ALDH5A1: variants seen among roughly 807,000 people sequenced by gnomAD.
The protein encoded by ALDH5A1 is aldehyde dehydrogenase 5 family member A1, also known as succinate-semialdehyde dehydrogenase, mitochondrial.
A neutral mutation model predicts 54.7 loss-of-function variants in ALDH5A1; 33 were observed. That is an observed-to-expected ratio of 0.60 (90% confidence interval 0.46 to 0.81). ALDH5A1 has a LOEUF of 0.81. Among genes scored for constraint, ALDH5A1 ranks in the 30% least tolerant of loss-of-function variants. ALDH5A1 has a pLI of 0.00. For missense variants in ALDH5A1, 657 were observed against 711.0 expected, an observed-to-expected ratio of 0.92 and a Z score of 0.86; for synonymous variants, 294 against 292.7, an observed-to-expected ratio of 1.00 and a Z score of -0.05.
rs534321775 is a variant in ALDH5A1 at position 24,504,727 on chromosome 6, C to G, written c.610-142C>G. 27 of 821,228 alleles carry G rather than the reference C, an allele frequency of 3.3e-5. No individual in the cohort carries two copies. The African/African-American group carries it at 4.3e-4, about 13-fold the overall frequency. 50.9% of individuals were successfully genotyped at this position (821,228 alleles called of 1,614,324 possible). On this transcript the variant is annotated intron_variant, in intron 3 of 9. Coordinates refer to ENST00000357578, the MANE Select transcript of ALDH5A1 (RefSeq NM_001080.3). ...CAAGTTGGCGGGGGGGTCAGGTGTTCTGAGAGCTCACCTGTGCAGCCAAAC... is the reference window on the plus strand; with the variant it reads ...CAAGTTGGCGGGGGGGTCAGGTGTTGTGAGAGCTCACCTGTGCAGCCAAAC...
Position 24,495,134 on chromosome 6 carries a change from C to G in ALDH5A1, c.138C>G (p.Cys46Trp), listed in dbSNP as rs1248918160. The G allele has an allele frequency of 7.1e-7, 1 of 1,403,650 alleles. No individual in the cohort carries two copies. The highest frequency in any genetic ancestry group is 3.1e-5 in the East Asian group (1 of 32,546). The allele number at this position is 1,403,650 out of a possible 1,614,324, so 86.9% of individuals were successfully genotyped here. The part of the protein sequence containing the change: ...GPAPGPAQLR[C>W]YAGRLAGLSA... ...CGCCCGGCCCGGCCCAGCTCCGCTG[C>G]TACGCTGGGCGCCTGGCGGGCCTCT... Residue 46 changes from cysteine (C) to tryptophan (W), a missense_variant, in exon 1 of 10, where the codon TGC becomes TGG. Physicochemically the swap from Cys to Trp is radical, Grantham distance 215. Coordinates refer to ENST00000357578, the MANE Select transcript of ALDH5A1 (RefSeq NM_001080.3).
At chr6:24,520,611 G>T in intron 6 of ALDH5A1, 67 bp downstream of exon 6, 3 of 1,596,022 alleles carry the variant, frequency 1.9e-6, no homozygotes, top group Admixed American at 3.5e-5. Context: ...GTATGTGTGT[G>T]TGTGTGATAT....
chr6:24,507,215 T>C (rs1020769940), intron 4 of ALDH5A1, among the ~76,000 whole-genome samples: 1 of 152,202 alleles, frequency 6.6e-6, no homozygotes, highest in African/African-American at 2.4e-5. Context: ...CCTCAGTCTG[T>C]AGTAGATTCC....
In ALDH5A1 at chr6:24,495,221, C is replaced by A. The variant is rs1581800805; in HGVS notation, c.225C>A (p.Thr75=). 1 of 1,512,828 alleles carries A rather than the reference C, an allele frequency of 6.6e-7. No homozygotes were observed. The highest frequency in any genetic ancestry group is 1.2e-5 in the South Asian group (1 of 81,926). 93.7% of individuals were successfully genotyped at this position (1,512,828 alleles called of 1,614,324 possible). A position where few individuals can be genotyped will look rare whatever the true frequency, so the allele number is the denominator to read the frequency against. The change falls in exon 1 of 10, where the codon ACC becomes ACA. Residue 75 remains threonine (T), a synonymous_variant. Transcript: ENST00000357578. ...GCCGCTGGCTCCCGGCCGCCGCCAC[C>A]TTCCCCGTGCAAGACCCGGCCAGCG... ...VGGRWLPAAA[T]FPVQDPASGA...
chr6:24,528,382 A>G (rs948920795), intron 8 of ALDH5A1, among the ~76,000 whole-genome samples: 1 of 151,228 alleles, frequency 6.6e-6, no homozygotes, highest in African/African-American at 2.4e-5. Flanking sequence ...TTTCTTTTTG[A>G]GATGGAGTTT....
At position 24,500,639 on chromosome 6, in the gene ALDH5A1, C is replaced by T. The variant is rs911739950; in HGVS notation, c.355-1884C>T. Among the ~76,000 whole-genome samples the T allele has an allele frequency of 5.5e-4, 62 of 112,428 alleles. 1 individual carries two copies. Among genetic ancestry groups the T allele is most frequent in the Non-Finnish European group, 7.3e-4 (42 of 57,478 alleles). The allele number at this position is 112,428 out of a possible 152,430, so 73.8% of individuals were successfully genotyped here. A position where few individuals can be genotyped will look rare whatever the true frequency, so the allele number is the denominator to read the frequency against. ...TCCAGCCTGGGCATCAGATCAAGACCGTATCTAAAATAATAATAATAATAA... is the reference window on the plus strand; with the variant it reads ...TCCAGCCTGGGCATCAGATCAAGACTGTATCTAAAATAATAATAATAATAA... On this transcript the variant is annotated intron_variant, in intron 1 of 9. Coordinates refer to ENST00000357578, the MANE Select transcript of ALDH5A1 (RefSeq NM_001080.3).
chr6:24,517,193 A>C (rs1029887887), intron 5 of ALDH5A1, among the ~76,000 whole-genome samples: 3 of 152,054 alleles, frequency 2.0e-5, no homozygotes, highest in African/African-American at 7.2e-5. Flanking sequence ...TTCTGTAGAG[A>C]TGGGGTTTCG....
chr6:24,526,889 CTATA>C lies in ALDH5A1; in HGVS notation c.1174-1100_1174-1097del, dbSNP rs749581504. Among the ~76,000 whole-genome samples, 4 of 120,772 alleles carry C rather than the reference CTATA, an allele frequency of 3.3e-5. No individual in the cohort carries two copies. The East Asian group carries it at 6.7e-4, about 20-fold the overall frequency. The allele number at this position is 120,772 out of a possible 152,430, so 79.2% of individuals were successfully genotyped here. A position where few individuals can be genotyped will look rare whatever the true frequency, so the allele number is the denominator to read the frequency against. On this transcript the variant is annotated intron_variant, in intron 7 of 9. Coordinates refer to ENST00000357578, the MANE Select transcript of ALDH5A1 (RefSeq NM_001080.3). Reference sequence around the variant, plus strand: ...TATATATATCTTCTATATATATATTCTATATATATATCTACTATATATATATTCT... The same window carrying C: ...TATATATATCTTCTATATATATATTCTATATATCTACTATATATATATTCT...
At chr6:24,530,132 C>T (rs955557486) in intron 8 of ALDH5A1, among the ~76,000 whole-genome samples, 3 of 152,148 alleles carry the variant, frequency 2.0e-5, no homozygotes, top group African/African-American at 7.2e-5. Context: ...TTCATTCCAT[C>T]TCTTCATTCC....
At chr6:24,499,225 T>G (rs1764772893) in intron 1 of ALDH5A1, among the ~76,000 whole-genome samples, 1 of 150,972 alleles carries the variant, frequency 6.6e-6, no homozygotes, top group African/African-American at 2.4e-5. Context: ...GAGGCGGAGG[T>G]TGGTTGCAGT....
intron 9 of ALDH5A1, among the ~76,000 whole-genome samples, chr6:24,533,207 G>A (rs558392690): frequency 3.9e-5 from 6 of 152,300 alleles, no homozygotes; most frequent in African/African-American, 7.2e-5. Context: ...AGGAGTCATC[G>A]AAAGGCTTGG....
At chr6:24,522,963 G>A (rs761551035) in intron 7 of ALDH5A1, 38 bp downstream of exon 7, 2 of 1,550,324 alleles carry the variant, frequency 1.3e-6, no homozygotes, top group East Asian at 2.5e-5. Flanking sequence ...TAAATTTCAT[G>A]GTTTCAATAT....
Position 24,504,878 on chromosome 6 carries a change from C to T in ALDH5A1, c.619C>T (p.Pro207Ser), listed in dbSNP as rs1315558444. The change falls in exon 4 of 10, where the codon CCC becomes TCC. Residue 207 changes from proline to serine, a missense_variant. By Grantham distance (74) the Pro-to-Ser change is moderately conservative. This residue lies in a region of ALDH5A1 where 425 missense variants were observed against 516.4 expected (regional missense o/e 0.82). Transcript: ENST00000357578. ...VAAVITPWNF[P>S]SAMITRKVGA... The stretch of plus-strand genomic sequence containing the variant: ...GCTCTTCTAACCCCAGTGGAATTTC[C>T]CCAGTGCCATGATCACCCGGAAGGT... 2 of 1,614,090 alleles carry T rather than the reference C, an allele frequency of 1.2e-6. No individual in the cohort carries two copies. Among genetic ancestry groups the T allele is most frequent in the South Asian group, 2.2e-5 (2 of 91,090 alleles).
At chr6:24,526,908 ATATATATTCTATATATATCTAC>A (rs1175483351) in intron 7 of ALDH5A1, among the ~76,000 whole-genome samples, 1 of 140,736 alleles carries the variant, frequency 7.1e-6, no homozygotes, top group East Asian at 2.0e-4. Flanking sequence ...TATCTACTAT[ATATATATTCTATATATATCTAC>A]TATATATTCT....
At chr6:24,500,476 T>A (rs75261971) in intron 1 of ALDH5A1, among the ~76,000 whole-genome samples, 8,631 of 152,060 alleles carry the variant, frequency 0.057, 726 homozygotes, top group African/African-American at 0.19. Flanking sequence ...AGTTGTCAGA[T>A]TCATAGAGAC....
intron 7 of ALDH5A1, among the ~76,000 whole-genome samples, chr6:24,526,876 C>CTATA (rs71686753): frequency 1.5e-4 from 18 of 122,004 alleles, no homozygotes; most frequent in East Asian, 4.3e-4. Context: ...TATATATCTT[C>CTATA]TATATATATA....
Position 24,495,237 on chromosome 6 carries a change from C to A in ALDH5A1, c.241C>A (p.Pro81Thr). 6.6e-7 allele frequency: 1 copy of A among 1,523,630 alleles called. No homozygotes were observed. The highest frequency in any genetic ancestry group is 8.8e-7 in the Non-Finnish European group (1 of 1,142,470). The allele number at this position is 1,523,630 out of a possible 1,614,324, so 94.4% of individuals were successfully genotyped here. A position where few individuals can be genotyped will look rare whatever the true frequency, so the allele number is the denominator to read the frequency against. The change falls in exon 1 of 10, where the codon CCG becomes ACG. Residue 81 changes from proline (P) to threonine (T), a missense_variant. Coordinates refer to ENST00000357578, the MANE Select transcript of ALDH5A1 (RefSeq NM_001080.3). ...CGCCGCCACCTTCCCCGTGCAAGAC[C>A]CGGCCAGCGGCGCCGCTCTGGGCAT... ...PAAATFPVQDPASGAALGMVA... is the reference protein window; with the variant it reads ...PAAATFPVQDTASGAALGMVA...
chr6:24,526,176 AAC>A (rs1274793812), intron 7 of ALDH5A1, among the ~76,000 whole-genome samples: 1 of 152,040 alleles, frequency 6.6e-6, no homozygotes. Context: ...GTGTCCCCCA[AAC>A]ACACTGCTGG....
At chr6:24,495,518 A>C (rs1764682293) in intron 1 of ALDH5A1, among the ~76,000 whole-genome samples, 168 bp downstream of exon 1, 1 of 152,146 alleles carries the variant, frequency 6.6e-6, no homozygotes, top group Non-Finnish European at 1.5e-5. Flanking sequence ...CCGACAAATA[A>C]GTTTGGAGCT....
Sources: gnomAD v4.1 joint callset for allele counts (sites outside exome capture counted in the v4.1 genomes callset) on GRCh38, gnomAD v4.1.1 for gene constraint, gnomAD v4.1.1 regional missense constraint, MANE v1.5 for transcripts, NCBI Gene and HGNC (gene_info 2026-07-23, HGNC 2026-07-21) for gene names.